Variants in ARHGAP25 observed in about 807,000 individuals in gnomAD.
The protein encoded by ARHGAP25 is rho GTPase-activating protein 25.
In ARHGAP25, 34 loss-of-function variants were observed where a neutral mutation model predicts 71.0. The ratio of observed to expected loss-of-function variants is 0.48; its 90% CI spans 0.36 to 0.64. The LOEUF (loss-of-function observed/expected upper bound fraction) is 0.64. ARHGAP25 is among the 30% of genes least tolerant of loss of function. ARHGAP25 has a pLI of 0.00. For synonymous variants in ARHGAP25, 282 were observed against 296.5 expected, an observed-to-expected ratio of 0.95 and a Z score of 0.50; for missense variants, 706 against 805.1, an observed-to-expected ratio of 0.88 and a Z score of 1.49.
intron 1 of ARHGAP25, among the ~76,000 whole-genome samples, chr2:68,736,081 C>G (rs1675201072): frequency 6.6e-6 from 1 of 152,126 alleles, no homozygotes; most frequent in South Asian, 2.1e-4. Flanking sequence ...GAGATAACTT[C>G]CTTGATATTA....
chr2:68,716,646 C>A (rs1199530487), intron 2 of ARHGAP25, among the ~76,000 whole-genome samples: 2 of 152,206 alleles, frequency 1.3e-5, no homozygotes, highest in Non-Finnish European at 2.9e-5. Context: ...CCAGCACAAG[C>A]AGATTGAGAA....
At chr2:68,711,565 A>G (rs1156272318) in intron 2 of ARHGAP25, among the ~76,000 whole-genome samples, 1 of 152,112 alleles carries the variant, frequency 6.6e-6, no homozygotes. Flanking sequence ...ACATATGCAG[A>G]ACGTGTAGGT....
chr2:68,816,210 C>A, intron 6 of ARHGAP25, 79 bp from the exon 7 acceptor site: 1 of 1,190,704 alleles, frequency 8.4e-7, no homozygotes, highest in Non-Finnish European at 1.3e-6. Context: ...TACACCAATT[C>A]TGTCCCAGGG....
At chr2:68,807,583 C>T in intron 5 of ARHGAP25, 103 bp downstream of exon 5, 1 of 1,153,682 alleles carries the variant, frequency 8.7e-7, no homozygotes, top group Non-Finnish European at 1.3e-6. Context: ...TGCATAGAGA[C>T]TTCTAAGAGC....
chr2:68,758,788 C>T (rs1205957181), intron 1 of ARHGAP25, among the ~76,000 whole-genome samples: 2 of 151,776 alleles, frequency 1.3e-5, no homozygotes, highest in Non-Finnish European at 3.0e-5. Flanking sequence ...ACACTCTATC[C>T]AACAACAAAA....
At chr2:68,724,973 T>C (rs1674849491) in intron 2 of ARHGAP25, among the ~76,000 whole-genome samples, 1 of 152,210 alleles carries the variant, frequency 6.6e-6, no homozygotes, top group African/African-American at 2.4e-5. Flanking sequence ...GTGTTGCTTT[T>C]CTACAATTTA....
At chr2:68,803,246 A>G (rs17035940) in intron 4 of ARHGAP25, among the ~76,000 whole-genome samples, 21,001 of 152,182 alleles carry the variant, frequency 0.14, 2,316 homozygotes, top group African/African-American at 0.31. Context: ...TAGAACAGGA[A>G]TGATTGGATT....
chr2:68,804,703 A>G (rs1234234696), intron 4 of ARHGAP25, among the ~76,000 whole-genome samples: 1 of 152,228 alleles, frequency 6.6e-6, no homozygotes, highest in East Asian at 1.9e-4. Flanking sequence ...CAGGGCACTC[A>G]ATGCATGCTA....
intron 7 of ARHGAP25, chr2:68,816,756 G>A (rs868761729): frequency 5.8e-5 from 10 of 171,898 alleles, no homozygotes; most frequent in Middle Eastern, 2.9e-3. Context: ...CCTGCTGTGC[G>A]CCACCCCTGT....
At chr2:68,746,621 G>A (rs916402622) in intron 1 of ARHGAP25, among the ~76,000 whole-genome samples, 1 of 152,062 alleles carries the variant, frequency 6.6e-6, no homozygotes, top group Admixed American at 6.5e-5. Flanking sequence ...CCACATTCAT[G>A]TGTGTAAGGC....
At chr2:68,723,223 A>T (rs1674807505) in intron 2 of ARHGAP25, among the ~76,000 whole-genome samples, 1 of 152,224 alleles carries the variant, frequency 6.6e-6, no homozygotes, top group Non-Finnish European at 1.5e-5. Flanking sequence ...ATCCATGATC[A>T]TAGTAGTCTG....
intron 3 of ARHGAP25, among the ~76,000 whole-genome samples, chr2:68,783,333 G>T (rs1416050286): frequency 6.6e-6 from 1 of 152,016 alleles, no homozygotes; most frequent in Admixed American, 6.6e-5. Flanking sequence ...TGATATTTGG[G>T]AATAATCTAG....
At chr2:68,769,262 GTCCATACTATAATAATAATGT>G (rs1677328470) in intron 1 of ARHGAP25, among the ~76,000 whole-genome samples, 1 of 151,892 alleles carries the variant, frequency 6.6e-6, no homozygotes, top group African/African-American at 2.4e-5. Context: ...ATAAAATTGA[GTCCATACTATAATAATAATGT>G]TAATAATAAT....
At chr2:68,782,723 A>G (rs950689689) in intron 3 of ARHGAP25, among the ~76,000 whole-genome samples, 3 of 152,212 alleles carry the variant, frequency 2.0e-5, no homozygotes, top group African/African-American at 7.2e-5. Flanking sequence ...TGAAATTGCC[A>G]TTTTGATGGG....
intron 4 of ARHGAP25, among the ~76,000 whole-genome samples, chr2:68,797,484 TCAGCTTAAGGCCAAGCCTC>T (rs1248779847): frequency 1.3e-5 from 2 of 152,182 alleles, no homozygotes; most frequent in African/African-American, 4.8e-5. Context: ...GAGATGCCAT[TCAGCTTAAGGCCAAGCCTC>T]CACAACAACT....
chr2:68,786,465 T>C (rs1281164942), intron 3 of ARHGAP25, among the ~76,000 whole-genome samples: 3 of 152,230 alleles, frequency 2.0e-5, no homozygotes, highest in Non-Finnish European at 2.9e-5. Flanking sequence ...GATTCAGTTC[T>C]ATTATCTATA....
At chr2:68,779,567 T>A (rs1678173640) in intron 2 of ARHGAP25, among the ~76,000 whole-genome samples, 1 of 152,230 alleles carries the variant, frequency 6.6e-6, no homozygotes, top group Non-Finnish European at 1.5e-5. Flanking sequence ...TGGGCTAAAA[T>A]GTAGTTCTAG....
intron 2 of ARHGAP25, among the ~76,000 whole-genome samples, chr2:68,715,166 T>G (rs1332006071): frequency 2.6e-5 from 4 of 152,200 alleles, no homozygotes; most frequent in Admixed American, 6.5e-5. Flanking sequence ...GACTTTTCAC[T>G]GTTGGTTGCT....
At chr2:68,735,459 A>T (rs1247380552) in intron 1 of ARHGAP25, 199 bp downstream of exon 1, 1 of 620,268 alleles carries the variant, frequency 1.6e-6, no homozygotes, top group Non-Finnish European at 2.9e-6. Context: ...TCATTTGGAC[A>T]AAACAGTGGG....
Sources: gnomAD v4.1 joint callset for allele counts (sites outside exome capture counted in the v4.1 genomes callset) on GRCh38, gnomAD v4.1.1 for gene constraint, MANE v1.5 for transcripts, NCBI Gene and HGNC (gene_info 2026-07-23, HGNC 2026-07-21) for gene names.